The following APAF1 variants were observed in gnomAD, a reference collection of about 807,000 sequenced individuals.
APAF1 encodes the protein apoptotic peptidase activating factor 1, also known as apoptotic protease-activating factor 1.
Under a neutral mutation model 152.4 loss-of-function variants are expected in APAF1, and 91 were observed. That is an observed-to-expected ratio of 0.60 (90% confidence interval 0.50 to 0.71). The LOEUF is 0.71. Ranked by LOEUF, APAF1 falls within the 30% of genes least tolerant of loss-of-function variation. The pLI, the probability that APAF1 is intolerant of heterozygous loss-of-function variation, is 0.00. For synonymous variants in APAF1, 484 were observed against 494.1 expected (o/e 0.98, Z 0.27); for missense variants, 1,283 against 1,472.0 (o/e 0.87, Z 2.10).
chr12:98,646,445 A>G (rs765971618), intron 1 of APAF1, among the ~76,000 whole-genome samples: 1 of 152,236 alleles, frequency 6.6e-6, no homozygotes, highest in African/African-American at 2.4e-5. Flanking sequence ...CAAGTGCTAC[A>G]TTTGGTGACT....
intron 20 of APAF1, among the ~76,000 whole-genome samples, chr12:98,710,592 A>T (rs1385808469): frequency 6.6e-6 from 1 of 151,630 alleles, no homozygotes; most frequent in African/African-American, 2.4e-5. Flanking sequence ...CATTCAAAAA[A>T]TTTTTTTTTG....
At chr12:98,713,722 T>C (rs2097730719) in intron 21 of APAF1, among the ~76,000 whole-genome samples, 1 of 152,224 alleles carries the variant, frequency 6.6e-6, no homozygotes, top group African/African-American at 2.4e-5. Context: ...ACCAGGTGTC[T>C]GGGAATTATT....
intron 12 of APAF1, among the ~76,000 whole-genome samples, chr12:98,673,311 C>G (rs1157692929): frequency 6.6e-6 from 1 of 151,454 alleles, no homozygotes; most frequent in Admixed American, 6.6e-5. Context: ...TGAAACCCAT[C>G]TTTACTAAAA....
chr12:98,720,130 A>G (rs1429920927), intron 22 of APAF1, among the ~76,000 whole-genome samples: 3 of 152,206 alleles, frequency 2.0e-5, no homozygotes, highest in Admixed American at 6.5e-5. Flanking sequence ...GAGACATTGT[A>G]TACTATGTAT....
Position 98,665,648 on chromosome 12 carries a change from A to G in APAF1, c.1051A>G (p.Lys351Glu). 6.2e-7 allele frequency: 1 copy of G among 1,613,938 alleles called. No homozygotes were observed. The change falls in exon 8 of 27, where the codon AAG (lysine) becomes GAG (glutamate). Residue 351 changes from lysine (K) to glutamate (E), a missense_variant. Physicochemically the swap from Lys to Glu is moderately conservative, Grantham distance 56. Coordinates refer to ENST00000551964, the MANE Select transcript of APAF1 (RefSeq NM_181861.2). The stretch of plus-strand genomic sequence containing the variant: ...CAAACAGCTTCAGAATAAGCAGTTT[A>G]AGAGAATAAGGAAATCTTCGTCTTA... Reference protein sequence around the residue: ...YLKQLQNKQFKRIRKSSSYDY... With the variant: ...YLKQLQNKQFERIRKSSSYDY...
intron 16 of APAF1, among the ~76,000 whole-genome samples, chr12:98,692,173 C>A (rs2097704978): frequency 6.6e-6 from 1 of 152,168 alleles, no homozygotes; most frequent in Non-Finnish European, 1.5e-5. Flanking sequence ...AGCTCCGCCT[C>A]CTGGGTTCAT....
intron 9 of APAF1, 31 bp from the exon 10 acceptor site, chr12:98,667,482 C>A: frequency 6.2e-7 from 1 of 1,610,662 alleles, no homozygotes; most frequent in South Asian, 1.1e-5. Context: ...AAAATTGTTT[C>A]TGGCTTCTGA....
At chr12:98,649,038 T>C in intron 3 of APAF1, 1 of 718,248 alleles carries the variant, frequency 1.4e-6, no homozygotes, top group Non-Finnish European at 2.2e-6. Context: ...TAATAATATG[T>C]CTACCCTAAT....
chr12:98,716,836 T>G (rs1264079963), intron 22 of APAF1, among the ~76,000 whole-genome samples: 1 of 152,132 alleles, frequency 6.6e-6, no homozygotes, highest in Non-Finnish European at 1.5e-5. Context: ...TTTTTCCACA[T>G]TTCATCTTTC....
intron 16 of APAF1, among the ~76,000 whole-genome samples, chr12:98,687,501 A>G (rs2097699278): frequency 6.6e-6 from 1 of 152,006 alleles, no homozygotes; most frequent in Non-Finnish European, 1.5e-5. Context: ...GTGCTTCTAT[A>G]ATTTATGTTG....
At chr12:98,688,163 A>G (rs1030026469) in intron 16 of APAF1, among the ~76,000 whole-genome samples, 2 of 152,166 alleles carry the variant, frequency 1.3e-5, no homozygotes, top group African/African-American at 4.8e-5. Flanking sequence ...TTATAGGCCT[A>G]AAAAAATGAA....
At chr12:98,680,491 A>G (rs2097691125) in intron 14 of APAF1, 89 bp downstream of exon 14, 1 of 1,289,828 alleles carries the variant, frequency 7.8e-7, no homozygotes, top group Non-Finnish European at 1.1e-6. Flanking sequence ...GTAGAGTTAA[A>G]GGACTCTCAC....
At chr12:98,669,258 G>T (rs2097677142) in intron 10 of APAF1, among the ~76,000 whole-genome samples, 1 of 152,100 alleles carries the variant, frequency 6.6e-6, no homozygotes, top group South Asian at 2.1e-4. Context: ...CAAATTCCGA[G>T]AAGTAGAATT....
intron 24 of APAF1, among the ~76,000 whole-genome samples, chr12:98,724,618 T>C (rs914033760): frequency 1.1e-4 from 16 of 152,260 alleles, no homozygotes; most frequent in African/African-American, 3.9e-4. Flanking sequence ...GCAGCTCTTC[T>C]GAAGCGTTTC....
At chr12:98,727,469 T>G (rs541396971) in intron 26 of APAF1, among the ~76,000 whole-genome samples, 153 bp downstream of exon 26, 2 of 148,116 alleles carry the variant, frequency 1.4e-5, no homozygotes, top group Non-Finnish European at 3.0e-5. Context: ...ATCGCTGGAG[T>G]CTGTGAGGTC....
chr12:98,695,362 C>CCCT lies in APAF1; in HGVS notation c.2305-4046_2305-4045insCCT, dbSNP rs532047525. On this transcript the variant is annotated intron_variant, in intron 16 of 26. Transcript: ENST00000551964. Reference sequence around the variant, plus strand: ...CACTGCGCCCAATGCCGCCCCCCCCCTTTTTTTTTTTTGAGACAGGGTCTC... The same window carrying CCCT: ...CACTGCGCCCAATGCCGCCCCCCCCCCCTTTTTTTTTTTTTGAGACAGGGTCTC... 1.6e-3 allele frequency among the ~76,000 whole-genome samples: 228 copies of CCCT among 141,842 alleles called. 2 individuals are homozygous for CCCT. The highest frequency in any genetic ancestry group is 5.4e-3 in the African/African-American group (211 of 39,260). 93.1% of individuals were successfully genotyped at this position (141,842 alleles called of 152,430 possible). A position where few individuals can be genotyped will look rare whatever the true frequency, so the allele number is the denominator to read the frequency against.
chr12:98,713,233 G>A (rs554874293), intron 21 of APAF1, among the ~76,000 whole-genome samples: 120 of 152,208 alleles, frequency 7.9e-4, no homozygotes, highest in Admixed American at 2.4e-3. Flanking sequence ...CTTTATTACT[G>A]TTTCTCATGC....
At chr12:98,706,169 T>C (rs1185851826) in intron 18 of APAF1, among the ~76,000 whole-genome samples, 3 of 152,208 alleles carry the variant, frequency 2.0e-5, no homozygotes, top group Non-Finnish European at 4.4e-5. Context: ...GTTAACAATA[T>C]ATCCTAGAGA....
At chr12:98,705,196 C>A (rs759441502) in intron 18 of APAF1, among the ~76,000 whole-genome samples, 10 of 152,078 alleles carry the variant, frequency 6.6e-5, no homozygotes, top group Non-Finnish European at 1.5e-4. Context: ...CTTCTAAAGT[C>A]CTTACCCTCT....
Sources: gnomAD v4.1 joint callset for allele counts (sites outside exome capture counted in the v4.1 genomes callset) on GRCh38, gnomAD v4.1.1 for gene constraint, MANE v1.5 for transcripts, NCBI Gene and HGNC (gene_info 2026-07-23, HGNC 2026-07-21) for gene names.